The following LHFPL3 variants were observed in gnomAD, a reference collection of about 807,000 sequenced individuals.
LHFPL3 encodes LHFPL tetraspan subfamily member 3 protein.
Under a neutral mutation model 19.3 loss-of-function variants are expected in LHFPL3, and 5 were observed. The ratio of observed to expected loss-of-function variants is 0.26; its 90% CI spans 0.14 to 0.54. LHFPL3 has a LOEUF of 0.54. Among genes scored for constraint, LHFPL3 ranks in the 20% least tolerant of loss-of-function variants. LHFPL3 has a pLI of 0.94. For synonymous variants in LHFPL3, 133 were observed against 126.2 expected (o/e 1.05, Z -0.36); for missense variants, 249 against 307.4 (o/e 0.81, Z 1.42).
intron 1 of LHFPL3, among the ~76,000 whole-genome samples, chr7:104,616,250 A>G (rs566485791): frequency 2.6e-5 from 4 of 152,336 alleles, no homozygotes; most frequent in Admixed American, 1.3e-4. Context: ...CTACAAGGCT[A>G]TAGTAATCAA....
At chr7:104,378,581 TATG>T (rs796387763) in intron 1 of LHFPL3, among the ~76,000 whole-genome samples, 5 of 152,350 alleles carry the variant, frequency 3.3e-5, no homozygotes, top group African/African-American at 1.2e-4. Context: ...TTCCTGGACA[TATG>T]ATAAGTGCAT....
intron 1 of LHFPL3, among the ~76,000 whole-genome samples, chr7:104,459,891 T>C (rs1443542668): frequency 6.6e-6 from 1 of 152,216 alleles, no homozygotes; most frequent in East Asian, 1.9e-4. Context: ...GGAGTATATG[T>C]GCAGGTTTGT....
chr7:104,391,594 A>T (rs1244537510), intron 1 of LHFPL3, among the ~76,000 whole-genome samples: 1 of 152,152 alleles, frequency 6.6e-6, no homozygotes, highest in Non-Finnish European at 1.5e-5. Context: ...GTAGCCTTGT[A>T]GTATAGTTTG....
chr7:104,542,020 G>A (rs1267440215), intron 1 of LHFPL3, among the ~76,000 whole-genome samples: 1 of 151,962 alleles, frequency 6.6e-6, no homozygotes, highest in Non-Finnish European at 1.5e-5. Context: ...GAGGGTATTT[G>A]AAGCAAGAAG....
rs548029655 is a variant in LHFPL3 at position 104,476,035 on chromosome 7, A to C, written c.445+146811A>C. On this transcript the variant is annotated intron_variant, in intron 1 of 2. Transcript: ENST00000424859. Reference sequence around the variant, plus strand: ...CATGCCTTGAGTCTCTGCTTACTGAACTTAGAGAAACTGGAGTAGTAATAT... The same window carrying C: ...CATGCCTTGAGTCTCTGCTTACTGACCTTAGAGAAACTGGAGTAGTAATAT... 1.1e-4 allele frequency among the ~76,000 whole-genome samples: 16 copies of C among 152,280 alleles called. No individual in the cohort carries two copies. In the East Asian group the frequency reaches 3.1e-3, roughly 29 times the overall value.
At chr7:104,765,567 G>A (rs1369131036) in intron 2 of LHFPL3, among the ~76,000 whole-genome samples, 4 of 152,180 alleles carry the variant, frequency 2.6e-5, no homozygotes, top group Non-Finnish European at 5.9e-5. Flanking sequence ...TGCAAAGAAA[G>A]CCATTTCCCA....
chr7:104,890,945 C>T lies in LHFPL3; in HGVS notation c.683-15242C>T, dbSNP rs79625864. On this transcript the variant is annotated intron_variant, in intron 2 of 2. Transcript: ENST00000424859. Reference sequence around the variant, plus strand: ...CAGCTCCCCAGCCTCGTGCCTGCAACAGAGTAGGTGGTCACTGAAGGTTTC... The same window carrying T: ...CAGCTCCCCAGCCTCGTGCCTGCAATAGAGTAGGTGGTCACTGAAGGTTTC... Among the ~76,000 whole-genome samples, 284 of 152,256 alleles carry T rather than the reference C, an allele frequency of 1.9e-3. 5 individuals carry two copies. The East Asian group carries it at 0.047, about 25-fold the overall frequency.
intron 1 of LHFPL3, among the ~76,000 whole-genome samples, chr7:104,703,375 C>G (rs1051900680): frequency 2.6e-5 from 4 of 152,164 alleles, no homozygotes; most frequent in Admixed American, 1.3e-4. Flanking sequence ...TTAAAATCTT[C>G]CACTGTGTTT....
At chr7:104,868,387 G>C (rs1416529241) in intron 2 of LHFPL3, among the ~76,000 whole-genome samples, 1 of 152,108 alleles carries the variant, frequency 6.6e-6, no homozygotes, top group Non-Finnish European at 1.5e-5. Flanking sequence ...AAAGTCTCAG[G>C]ATACAAAATC....
intron 1 of LHFPL3, among the ~76,000 whole-genome samples, chr7:104,731,264 G>A (rs987298539): frequency 6.6e-6 from 1 of 152,044 alleles, no homozygotes; most frequent in African/African-American, 2.4e-5. Flanking sequence ...TGTGAAGAAA[G>A]TCATTGGTAG....
chr7:104,338,986 G>A (rs527255315), intron 1 of LHFPL3, among the ~76,000 whole-genome samples: 1 of 152,236 alleles, frequency 6.6e-6, no homozygotes, highest in East Asian at 1.9e-4. Context: ...GGTGGCTCAC[G>A]CCTGTAATCT....
intron 1 of LHFPL3, among the ~76,000 whole-genome samples, chr7:104,586,060 G>A (rs145913617): frequency 1.2e-4 from 18 of 152,106 alleles, no homozygotes; most frequent in African/African-American, 3.6e-4. Context: ...TGAGAATTAC[G>A]TGAAAAATGA....
intron 1 of LHFPL3, among the ~76,000 whole-genome samples, chr7:104,330,818 G>T (rs1801554106): frequency 6.6e-6 from 1 of 151,978 alleles, no homozygotes; most frequent in South Asian, 2.1e-4. Context: ...CTAAGATTTG[G>T]AATAAATTCA....
intron 2 of LHFPL3, among the ~76,000 whole-genome samples, chr7:104,893,810 G>A (rs562310266): frequency 6.6e-6 from 1 of 152,044 alleles, no homozygotes; most frequent in East Asian, 1.9e-4. Flanking sequence ...AAATTAGCCA[G>A]GCATGGTGGC....
At chr7:104,892,759 C>T (rs1041425894) in intron 2 of LHFPL3, among the ~76,000 whole-genome samples, 1 of 148,724 alleles carries the variant, frequency 6.7e-6, no homozygotes, top group Non-Finnish European at 1.5e-5. Context: ...CAGAGCTCAA[C>T]TAACATTATG....
At chr7:104,417,857 A>ATTCTTC (rs1205200413) in intron 1 of LHFPL3, among the ~76,000 whole-genome samples, 41 of 125,652 alleles carry the variant, frequency 3.3e-4, no homozygotes, top group African/African-American at 9.7e-4. Flanking sequence ...TTCTTTTCTA[A>ATTCTTC]TTCTTCTTCT....
chr7:104,601,230 A>C (rs969699254), intron 1 of LHFPL3, among the ~76,000 whole-genome samples: 2 of 152,100 alleles, frequency 1.3e-5, no homozygotes, highest in Non-Finnish European at 2.9e-5. Flanking sequence ...GAAGGAGTGG[A>C]GACAGGAATT....
chr7:104,633,589 C>T (rs925660100), intron 1 of LHFPL3, among the ~76,000 whole-genome samples: 1 of 152,202 alleles, frequency 6.6e-6, no homozygotes, highest in East Asian at 1.9e-4. Flanking sequence ...TCTTGTACAG[C>T]TTCCTTCCTA....
chr7:104,875,783 C>T (rs35894637), intron 2 of LHFPL3, among the ~76,000 whole-genome samples: 40,058 of 152,142 alleles, frequency 0.26, 5,454 homozygotes, highest in East Asian at 0.44. Context: ...TTATTTCAAA[C>T]ATTTATTGAT....
Sources: allele counts gnomAD v4.1 joint callset (sites outside exome capture counted in the v4.1 genomes callset), GRCh38; gene constraint gnomAD v4.1.1; transcripts MANE v1.5; gene names NCBI Gene and HGNC (gene_info 2026-07-23, HGNC 2026-07-21).